The following NOL10 variants were observed in gnomAD, a reference collection of about 807,000 sequenced individuals.
NOL10 encodes the protein H_NH0074G24.1.
Under a neutral mutation model 103.5 loss-of-function variants are expected in NOL10, and 58 were observed. That is an observed-to-expected ratio of 0.56 (90% CI 0.45 to 0.70). The LOEUF (loss-of-function observed/expected upper bound fraction) is 0.70, where lower values mean the gene tolerates loss of function less well. Among genes scored for constraint, NOL10 ranks in the 30% least tolerant of loss-of-function variants. The probability of loss-of-function intolerance (pLI) is 0.00; values close to 1 mark genes in which losing one functional copy is unlikely to be tolerated. For synonymous variants in NOL10, 287 were observed against 282.5 expected (o/e 1.02, Z -0.16); for missense variants, 763 against 807.3 (o/e 0.95, Z 0.67).
At chr2:10,583,952 G>A (rs1674892701) in intron 19 of NOL10, among the ~76,000 whole-genome samples, 3 of 152,326 alleles carry the variant, frequency 2.0e-5, no homozygotes, top group South Asian at 4.1e-4. Flanking sequence ...TAGGGGAGGG[G>A]TTGGAATAGA....
At chr2:10,592,958 C>T (rs140117936) in intron 17 of NOL10, among the ~76,000 whole-genome samples, 51 of 152,134 alleles carry the variant, frequency 3.4e-4, no homozygotes, top group Non-Finnish European at 5.7e-4. Flanking sequence ...TATAAATACC[C>T]GTCTACACAT....
chr2:10,646,343 A>G (rs1679070006), intron 12 of NOL10, among the ~76,000 whole-genome samples: 1 of 152,242 alleles, frequency 6.6e-6, no homozygotes, highest in Non-Finnish European at 1.5e-5. Context: ...AACATTCCAC[A>G]ATGAAATACA....
At chr2:10,686,734 A>G (rs1394924604) in intron 1 of NOL10, among the ~76,000 whole-genome samples, 3 of 152,176 alleles carry the variant, frequency 2.0e-5, no homozygotes, top group African/African-American at 4.8e-5. Context: ...AGTGGATTGT[A>G]TGAGAGCAAA....
intron 4 of NOL10, 32 bp from the exon 5 acceptor site, chr2:10,673,589 A>C (rs372164647): frequency 6.7e-5 from 96 of 1,433,978 alleles, no homozygotes; most frequent in Non-Finnish European, 8.2e-5. Context: ...AAATACAATT[A>C]TCAAACAATA....
At chr2:10,651,732 T>C (rs1679476063) in intron 12 of NOL10, among the ~76,000 whole-genome samples, 1 of 152,112 alleles carries the variant, frequency 6.6e-6, no homozygotes, top group Non-Finnish European at 1.5e-5. Flanking sequence ...CTCCACCTGA[T>C]TTACTCACTT....
At chr2:10,585,447 G>C (rs1674977023) in intron 19 of NOL10, among the ~76,000 whole-genome samples, 1 of 152,188 alleles carries the variant, frequency 6.6e-6, no homozygotes. Flanking sequence ...CTTGCACATA[G>C]ATGAAAACAT....
chr2:10,686,447 T>C (rs191211920), intron 1 of NOL10, among the ~76,000 whole-genome samples: 66 of 152,114 alleles, frequency 4.3e-4, no homozygotes, highest in Non-Finnish European at 7.4e-4. Flanking sequence ...AGGCACAACA[T>C]CAAGTAGGAC....
chr2:10,598,008 G>A (rs7605461), intron 17 of NOL10, among the ~76,000 whole-genome samples: 90,011 of 152,100 alleles, frequency 0.59, 27,650 homozygotes, highest in African/African-American at 0.74. Flanking sequence ...AGATGTGACT[G>A]GAGATAACAG....
chr2:10,637,132 T>TG, intron 13 of NOL10, among the ~76,000 whole-genome samples: 1 of 127,854 alleles, frequency 7.8e-6, no homozygotes, highest in Non-Finnish European at 1.5e-5. Flanking sequence ...ACCCAGGAGA[T>TG]GGAGGTTGAT....
intron 13 of NOL10, among the ~76,000 whole-genome samples, chr2:10,635,334 G>A (rs1678130235): frequency 6.6e-6 from 1 of 152,096 alleles, no homozygotes; most frequent in African/African-American, 2.4e-5. Context: ...TTCTCTATCG[G>A]CCAACATTCT....
At chr2:10,585,163 C>G (rs1229194112) in intron 19 of NOL10, among the ~76,000 whole-genome samples, 2 of 152,210 alleles carry the variant, frequency 1.3e-5, no homozygotes, top group African/African-American at 4.8e-5. Flanking sequence ...AGTGCCCACT[C>G]TATTCTAAGT....
intron 14 of NOL10, among the ~76,000 whole-genome samples, chr2:10,605,739 G>A (rs943119262): frequency 2.0e-5 from 3 of 152,146 alleles, no homozygotes; most frequent in Non-Finnish European, 1.5e-5. Context: ...AGCATATTAT[G>A]AAAATTACGT....
intron 3 of NOL10, among the ~76,000 whole-genome samples, chr2:10,677,704 C>A (rs1449677359): frequency 1.3e-5 from 2 of 152,054 alleles, no homozygotes; most frequent in Admixed American, 1.3e-4. Flanking sequence ...AACTCCTGGG[C>A]TCAAGTGATC....
chr2:10,672,559 TC>T (rs1020967662), intron 5 of NOL10, among the ~76,000 whole-genome samples: 1 of 152,208 alleles, frequency 6.6e-6, no homozygotes, highest in Non-Finnish European at 1.5e-5. Flanking sequence ...CCCCATAGTT[TC>T]CAAAACTGAA....
At chr2:10,679,543 TCA>T (rs1236299993) in intron 3 of NOL10, among the ~76,000 whole-genome samples, 10 of 152,142 alleles carry the variant, frequency 6.6e-5, no homozygotes, top group Non-Finnish European at 1.3e-4. Flanking sequence ...CTACCATGTT[TCA>T]CATTCTTTCT....
At chr2:10,673,313 G>T in intron 5 of NOL10, 1 of 390,132 alleles carries the variant, frequency 2.6e-6, no homozygotes. Context: ...ATATTAGATT[G>T]GCCAAAGGCT....
intron 13 of NOL10, among the ~76,000 whole-genome samples, chr2:10,636,552 GTGAGCCATGA>G (rs2148259249): frequency 6.6e-6 from 1 of 151,014 alleles, no homozygotes; most frequent in Non-Finnish European, 1.5e-5. Context: ...TGACGCTGCA[GTGAGCCATGA>G]TCACACCAAT....
intron 12 of NOL10, among the ~76,000 whole-genome samples, chr2:10,647,610 C>T (rs1679171628): frequency 6.6e-6 from 1 of 152,202 alleles, no homozygotes. Flanking sequence ...CAGTCACCAC[C>T]TTGAACAGCT....
chr2:10,634,405 C>T (rs77767350), intron 13 of NOL10: 98,208 of 439,180 alleles, frequency 0.22, 13,154 homozygotes, highest in Non-Finnish European at 0.3. Context: ...AACAAGGCTT[C>T]AGCTGAAATG....
Sources: gnomAD v4.1 joint callset for allele counts (sites outside exome capture counted in the v4.1 genomes callset) on GRCh38, gnomAD v4.1.1 for gene constraint, MANE v1.5 for transcripts, NCBI Gene and HGNC (gene_info 2026-07-23, HGNC 2026-07-21) for gene names.